Variants in MAP3K3 observed in about 807,000 individuals in gnomAD.
The protein encoded by MAP3K3 is MAP/ERK kinase kinase 3.
A neutral mutation model predicts 80.9 loss-of-function variants in MAP3K3; 12 were observed. The ratio of observed to expected loss-of-function variants is 0.15; its 90% confidence interval spans 0.10 to 0.24. The LOEUF is 0.24. MAP3K3 is among the 10% of genes least tolerant of loss of function. The pLI is 1.00. For synonymous variants in MAP3K3, 272 were observed against 307.1 expected (o/e 0.89, Z 1.19); for missense variants, 596 against 834.7 (o/e 0.71, Z 3.52).
chr17:63,674,106 T>G (rs2035167759), intron 6 of MAP3K3, among the ~76,000 whole-genome samples: 1 of 151,204 alleles, frequency 6.6e-6, no homozygotes, highest in African/African-American at 2.4e-5. Context: ...GACTTGTCCC[T>G]GCTACATTCT....
chr17:63,632,328 C>G (rs1278426082), intron 1 of MAP3K3, among the ~76,000 whole-genome samples: 1 of 151,638 alleles, frequency 6.6e-6, no homozygotes, highest in Non-Finnish European at 1.5e-5. Flanking sequence ...CCCGTCTCTA[C>G]AAAAAATAAA....
rs895004002 is a variant in MAP3K3 at position 63,694,673 on chromosome 17, G to C, written c.*896G>C. The C allele has an allele frequency of 1.3e-5, 2 of 152,744 alleles. No individual in the cohort carries two copies. The highest frequency in any genetic ancestry group is 4.8e-5 in the African/African-American group (2 of 41,462). The allele number at this position is 152,744 out of a possible 1,614,324, so 9.5% of individuals were successfully genotyped here. A position where few individuals can be genotyped will look rare whatever the true frequency, so the allele number is the denominator to read the frequency against. ...TTTGTTCCCCACTGGAGCAGAAGGG[G>C]AGATGGACGACACGGTCGGGGCATC... On this transcript the variant is annotated 3_prime_UTR_variant, in exon 16 of 16. Coordinates refer to ENST00000361733, the MANE Select transcript of MAP3K3 (RefSeq NM_002401.5).
chr17:63,655,978 C>A (rs997916172), intron 4 of MAP3K3, among the ~76,000 whole-genome samples: 2 of 152,056 alleles, frequency 1.3e-5, no homozygotes, highest in African/African-American at 4.8e-5. Context: ...GCCTGTAATG[C>A]CAGCACTTTG....
Position 63,693,635 on chromosome 17 carries a change from C to T in MAP3K3, c.1739C>T (p.Ala580Val). The change falls in exon 16 of 16, where the codon GCC becomes GTC. Residue 580 changes from alanine (A) to valine (V), a missense_variant. Physicochemically the swap from Ala to Val is moderately conservative, Grantham distance 64. Around this residue, in one of 2 missense-constraint regions of MAP3K3, gnomAD observed 364 missense variants for 588.9 expected, o/e 0.62. Transcript: ENST00000361733. The surrounding 1 kb of genome is among the most constrained non-coding windows in gnomAD (Gnocchi z 4.2). ...YEAMAAIFKI[A>V]TQPTNPQLPS... is the part of the protein sequence containing the mutation. ...GCTATGGCCGCCATCTTCAAGATTG[C>T]CACCCAGCCCACCAATCCTCAGCTG... The T allele has an allele frequency of 6.2e-7, 1 of 1,609,972 alleles. No homozygotes were observed. The highest frequency in any genetic ancestry group is 8.5e-7 in the Non-Finnish European group (1 of 1,177,352).
At chr17:63,678,814 G>A (rs2035272595) in intron 6 of MAP3K3, among the ~76,000 whole-genome samples, 1 of 151,760 alleles carries the variant, frequency 6.6e-6, no homozygotes, top group South Asian at 2.1e-4. Flanking sequence ...CAGATCACCT[G>A]AAGACAAGAG....
At chr17:63,683,746 TATG>T (rs1312785115) in intron 7 of MAP3K3, among the ~76,000 whole-genome samples, 26 of 152,190 alleles carry the variant, frequency 1.7e-4, no homozygotes, top group Non-Finnish European at 2.2e-4. Flanking sequence ...AAAGTGAAAA[TATG>T]ATAAGTTTTG....
intron 10 of MAP3K3, 73 bp downstream of exon 10, chr17:63,688,954 G>A (rs554700906): frequency 4.8e-6 from 5 of 1,040,560 alleles, no homozygotes; most frequent in East Asian, 4.7e-5. Flanking sequence ...GGGTGGGTTC[G>A]TCCATGCAGT....
chr17:63,630,369 C>G (rs2034190935), intron 1 of MAP3K3, among the ~76,000 whole-genome samples: 1 of 152,130 alleles, frequency 6.6e-6, no homozygotes, highest in South Asian at 2.1e-4. Context: ...TCACTGTCGC[C>G]CAGGCTGAAG....
rs764861616 is a variant in MAP3K3, at chr17:63,690,976, C to G, written c.1213-126C>G. ...GAGCTAGACAGTTAAGAGAGTCCCCCTTTTCTCCAACTGCAGTTCCCAAGG... is the reference window on the plus strand; with the variant it reads ...GAGCTAGACAGTTAAGAGAGTCCCCGTTTTCTCCAACTGCAGTTCCCAAGG... On this transcript the variant is annotated intron_variant, in intron 12 of 15. Coordinates refer to ENST00000361733, the MANE Select transcript of MAP3K3 (RefSeq NM_002401.5). 3.4e-6 allele frequency: 4 copies of G among 1,163,872 alleles called. No homozygotes were observed. In the African/African-American group the frequency reaches 6.1e-5, roughly 18 times the overall value. 72.1% of individuals were successfully genotyped at this position (1,163,872 alleles called of 1,614,324 possible). A position where few individuals can be genotyped will look rare whatever the true frequency, so the allele number is the denominator to read the frequency against.
chr17:63,683,653 A>G (rs548738540), intron 7 of MAP3K3, among the ~76,000 whole-genome samples: 24 of 152,338 alleles, frequency 1.6e-4, no homozygotes, highest in African/African-American at 5.8e-4. Context: ...TCCTGGTAAC[A>G]GGCCATTTGA....
Position 63,691,145 on chromosome 17 carries a change from T to C in MAP3K3, c.1256T>C (p.Leu419Ser), listed in dbSNP as rs1281446200. ...LECEIQLLKN[L>S]QHERIVQYYG... ...TGCGAGATCCAGTTGCTAAAGAACT[T>C]GCAGCATGAGCGCATCGTGCAGTAC... The change falls in exon 13 of 16, where the codon TTG becomes TCG. Residue 419 changes from leucine to serine, a missense_variant. By Grantham distance (145) the Leu-to-Ser change is moderately radical. Around this residue, in one of 2 missense-constraint regions of MAP3K3, gnomAD observed 364 missense variants for 588.9 expected, o/e 0.62. Coordinates refer to ENST00000361733, the MANE Select transcript of MAP3K3 (RefSeq NM_002401.5). This position sits in a 1 kb window ranked among gnomAD's most constrained non-coding sequence, Gnocchi z 4.8. 6.2e-6 allele frequency: 10 copies of C among 1,614,062 alleles called. No homozygotes were observed.
chr17:63,693,060 A>C lies in MAP3K3; in HGVS notation c.1653-489A>C, dbSNP rs1220419136. 2.0e-5 allele frequency among the ~76,000 whole-genome samples: 3 copies of C among 152,136 alleles called. No individual in the cohort carries two copies. Among genetic ancestry groups the C allele is most frequent in the Admixed American group, 6.5e-5 (1 of 15,276 alleles). On this transcript the variant is annotated intron_variant, in intron 15 of 15. Transcript: ENST00000361733. The surrounding 1 kb of genome is among the most constrained non-coding windows in gnomAD (Gnocchi z 4.2). ...TGAAAGCAAGAGGTTGGAGTAATAC[A>C]AGGAGGGGACCATGAGCCACGAAAT...
At position 63,646,023 on chromosome 17, in the gene MAP3K3, C is replaced by A; in HGVS notation, c.127-11C>A. The A allele has an allele frequency of 6.2e-7, 1 of 1,613,382 alleles. No individual in the cohort carries two copies. Among genetic ancestry groups the A allele is most frequent in the Non-Finnish European group, 8.5e-7 (1 of 1,179,336 alleles). Reference sequence around the variant, plus strand: ...AGAATTCTCTAACCTGTCTATCATTCTTTTTGGCAGAGTGACGTCAGAATC... The same window carrying A: ...AGAATTCTCTAACCTGTCTATCATTATTTTTGGCAGAGTGACGTCAGAATC... On this transcript the variant is annotated splice_polypyrimidine_tract_variant and intron_variant, in intron 2 of 15. Coordinates refer to ENST00000361733, the MANE Select transcript of MAP3K3 (RefSeq NM_002401.5).
intron 6 of MAP3K3, among the ~76,000 whole-genome samples, chr17:63,678,649 C>A (rs1343359887): frequency 2.0e-5 from 3 of 152,234 alleles, no homozygotes; most frequent in African/African-American, 7.2e-5. Flanking sequence ...TCTCCAATAC[C>A]AGTTCAGTGG....
chr17:63,638,864 A>G (rs949769698), intron 2 of MAP3K3, among the ~76,000 whole-genome samples: 2 of 152,108 alleles, frequency 1.3e-5, no homozygotes, highest in Non-Finnish European at 2.9e-5. Flanking sequence ...CTGTCTGTAC[A>G]AAAATACAAA....
chr17:63,696,050 C>G lies in MAP3K3; in HGVS notation c.*2273C>G, dbSNP rs534039546. 1 of 152,706 alleles carries G rather than the reference C, an allele frequency of 6.5e-6. No individual in the cohort carries two copies. Among genetic ancestry groups the G allele is most frequent in the Admixed American group, 6.5e-5 (1 of 15,290 alleles). The allele number at this position is 152,706 out of a possible 1,614,324, so 9.5% of individuals were successfully genotyped here. A position where few individuals can be genotyped will look rare whatever the true frequency, so the allele number is the denominator to read the frequency against. ...GCCGTGCCGTCACTTTCTCATCATT[C>G]CATGGGGTGTGTCTGCCTGGGCCAA... On this transcript the variant is annotated 3_prime_UTR_variant, in exon 16 of 16. Transcript: ENST00000361733.
intron 7 of MAP3K3, among the ~76,000 whole-genome samples, chr17:63,684,598 C>T (rs190006455): frequency 5.3e-5 from 8 of 152,082 alleles, no homozygotes; most frequent in South Asian, 2.1e-4. Flanking sequence ...TTATGGAGGT[C>T]GTTAGTGAAT....
intron 6 of MAP3K3, among the ~76,000 whole-genome samples, chr17:63,671,252 A>G (rs1338296938): frequency 1.4e-5 from 2 of 144,056 alleles, no homozygotes; most frequent in Non-Finnish European, 3.0e-5. Context: ...TGAGTTCAAA[A>G]TTATTTTCTT....
intron 5 of MAP3K3, 139 bp from the exon 6 acceptor site, chr17:63,666,801 G>A: frequency 3.6e-6 from 3 of 843,804 alleles, no homozygotes; most frequent in Non-Finnish European, 5.6e-6. Context: ...GTGAGATTTG[G>A]GGGAAAGCTG....
Sources: gnomAD v4.1 joint callset for allele counts (sites outside exome capture counted in the v4.1 genomes callset) on GRCh38, gnomAD v4.1.1 for gene constraint, gnomAD v4.1.1 regional missense constraint, Gnocchi (gnomAD v3.1) non-coding constraint, MANE v1.5 for transcripts, NCBI Gene and HGNC (gene_info 2026-07-23, HGNC 2026-07-21) for gene names.